Variants in TTN observed in about 807,000 individuals in gnomAD.
TTN encodes the protein connectin.
Under a neutral mutation model 3,223.0 loss-of-function variants are expected in TTN, and 1,525 were observed. That is an observed-to-expected ratio of 0.47 (90% CI 0.45 to 0.49). The LOEUF (loss-of-function observed/expected upper bound fraction) is 0.49, where lower values mean the gene tolerates loss of function less well. Among genes scored for constraint, TTN ranks in the 20% least tolerant of loss-of-function variants. The pLI is 0.00. For missense variants in TTN, 40,786 were observed against 43,424.0 expected, an observed-to-expected ratio of 0.94 and a Z score of 5.40; for synonymous variants, 14,094 against 15,161.0, an observed-to-expected ratio of 0.93 and a Z score of 5.17.
intron 127 of TTN, among the ~76,000 whole-genome samples, chr2:178,686,491 C>T (rs1353114333): frequency 6.6e-6 from 1 of 151,870 alleles, no homozygotes; most frequent in Non-Finnish European, 1.5e-5. Context: ...AATCACAGCT[C>T]ACTGTAACCT....
At chr2:178,699,261 ATATGT>A (rs2074317825) in intron 111 of TTN, among the ~76,000 whole-genome samples, 1 of 152,076 alleles carries the variant, frequency 6.6e-6, no homozygotes, top group African/African-American at 2.4e-5. Flanking sequence ...ACGAACACAA[ATATGT>A]TAGGAGGAAG....
chr2:178,733,763 C>T lies in TTN; in HGVS notation c.15626G>A (p.Arg5209Lys). 1 of 1,613,848 alleles carries T rather than the reference C, an allele frequency of 6.2e-7. No homozygotes were observed. Among genetic ancestry groups the T allele is most frequent in the Non-Finnish European group, 8.5e-7 (1 of 1,179,774 alleles). Residue 5209 changes from arginine (R) to lysine (K), a missense_variant, in exon 53 of 363, where the codon AGA becomes AAA. By Grantham distance (26) the Arg-to-Lys change is conservative. Transcript: ENST00000589042. ...VTWMKGQEVIREDGKIKMSFS... is the reference protein window; with the variant it reads ...VTWMKGQEVIKEDGKIKMSFS... ...GCTCATTTTGATTTTTCCGTCTTCT[C>T]TGATGACCTCTTGACCTTTCATCCA...
In TTN at chr2:178,587,936, T is replaced by C. The variant is rs567422320; in HGVS notation, c.63471A>G (p.Ala21157=). Residue 21157 remains alanine (A), a synonymous_variant, in exon 305 of 363, where the codon GCA becomes GCG. Coordinates refer to ENST00000589042, the MANE Select transcript of TTN (RefSeq NM_001267550.2). ...TAGGTTTGATAGCTTCCTTTAGCTC[T>C]GCAGGGCGCCCAATACCAACTTGGT... ...AQNQVGIGRP[A]ELKEAIKPKE... is the part of the protein sequence containing the mutation. The C allele has an allele frequency of 6.2e-7, 1 of 1,607,184 alleles. No homozygotes were observed. Among genetic ancestry groups the C allele is most frequent in the Admixed American group, 1.7e-5 (1 of 59,286 alleles).
In TTN at chr2:178,590,476, G is replaced by T; in HGVS notation, c.61249C>A (p.Gln20417Lys). Residue 20417 changes from glutamine to lysine, a missense_variant, in exon 304 of 363, where the codon CAA becomes AAA. Coordinates refer to ENST00000589042, the MANE Select transcript of TTN (RefSeq NM_001267550.2). ...TCATCTTTATTAATCCTGTTCCATT[G>T]TGCTGTGCCAGGTTTCTGACATTCC... ...VVECQKPGTA[Q>K]WNRINKDELI... 6.2e-7 allele frequency: 1 copy of T among 1,613,024 alleles called. No individual in the cohort carries two copies. The highest frequency in any genetic ancestry group is 8.5e-7 in the Non-Finnish European group (1 of 1,179,430).
intron 235 of TTN, 33 bp from the exon 236 acceptor site, chr2:178,632,446 T>G (rs559346244): frequency 1.9e-6 from 3 of 1,577,916 alleles, no homozygotes; most frequent in African/African-American, 2.7e-5. Context: ...ACTTATTAAT[T>G]GAAGCACTTT....
chr2:178,672,955 T>A (rs1368385268), intron 152 of TTN, among the ~76,000 whole-genome samples: 1 of 151,788 alleles, frequency 6.6e-6, no homozygotes, highest in Non-Finnish European at 1.5e-5. Flanking sequence ...TAACAGGGAT[T>A]ACCAATATGG....
chr2:178,710,867 C>T lies in TTN; in HGVS notation c.28230G>A (p.Val9410=), dbSNP rs759446336. ...GGCACTCAAAGTCAGCACTTTCTCC[C>T]ACCACAGCATCCACAGGGGCAAGAC... ...DIRLAPVDAV[V]GESADFECHV... is the part of the protein sequence containing the mutation. Residue 9410 remains valine (V), a synonymous_variant, in exon 98 of 363, where the codon GTG becomes GTA. Transcript: ENST00000589042. 2.5e-6 allele frequency: 4 copies of T among 1,613,904 alleles called. No homozygotes were observed. The East Asian group carries it at 8.9e-5, about 36-fold the overall frequency.
chr2:178,681,484 T>C (rs771600337), intron 136 of TTN, 34 bp from the exon 137 acceptor site: 17 of 1,566,672 alleles, frequency 1.1e-5, no homozygotes, highest in Non-Finnish European at 1.5e-5. Context: ...ATTTTAAAAA[T>C]TGAAACAGGT....
At position 178,615,682 on chromosome 2, in the gene TTN, G is replaced by A; in HGVS notation, c.48419C>T (p.Pro16140Leu). 6.2e-7 allele frequency: 1 copy of A among 1,612,484 alleles called. No individual in the cohort carries two copies. Among genetic ancestry groups the A allele is most frequent in the Non-Finnish European group, 8.5e-7 (1 of 1,178,946 alleles). ...ATTTACAGGTTCATCAACATATGCA[G>A]GTTCTCCAGGGCCACATTTGTTACG... The part of the protein sequence containing the change: ...CARNKCGPGE[P>L]AYVDEPVNMS... The change falls in exon 258 of 363, where the codon CCT becomes CTT. Residue 16140 changes from proline (P) to leucine (L), a missense_variant. Coordinates refer to ENST00000589042, the MANE Select transcript of TTN (RefSeq NM_001267550.2).
In TTN at chr2:178,640,602, A is replaced by G. The variant is rs1362490664; in HGVS notation, c.40662T>C (p.Val13554=). Residue 13554 remains valine (V), a synonymous_variant, in exon 221 of 363, where the codon GTT becomes GTC. Transcript: ENST00000589042. ...AVPEPPPPKP[V]EEVEVPTVTK... Reference sequence around the variant, plus strand: ...TAACAGTAGGTACTTCAACCTCTTCAACAGGTTTTGGAGGTGGTGGTTCTG... The same window carrying G: ...TAACAGTAGGTACTTCAACCTCTTCGACAGGTTTTGGAGGTGGTGGTTCTG... 3 of 1,593,784 alleles carry G rather than the reference A, an allele frequency of 1.9e-6. No homozygotes were observed. In the Admixed American group the frequency reaches 5.4e-5, roughly 29 times the overall value.
At position 178,739,779 on chromosome 2, in the gene TTN, A is replaced by G; in HGVS notation, c.13454T>C (p.Ile4485Thr). The change falls in exon 48 of 363, where the codon ATA becomes ACA. Residue 4485 changes from isoleucine (I) to threonine (T), a missense_variant. Physicochemically the swap from Ile to Thr is moderately conservative, Grantham distance 89. Transcript: ENST00000589042. ...DALCAIIYEE[I>T]DILTAEGPRI... is the part of the protein sequence containing the mutation. ...AGGACCCTCAGCTGTTAGGATGTCT[A>G]TTTCCTCATATATAATAGCACACAA... 1.2e-6 allele frequency: 2 copies of G among 1,613,784 alleles called. No homozygotes were observed. The highest frequency in any genetic ancestry group is 1.7e-6 in the Non-Finnish European group (2 of 1,179,812).
chr2:178,572,211 C>T lies in TTN; in HGVS notation c.73921G>A (p.Glu24641Lys), dbSNP rs993198870. The T allele has an allele frequency of 3.1e-6, 5 of 1,613,476 alleles. No individual in the cohort carries two copies. The highest frequency in any genetic ancestry group is 4.2e-6 in the Non-Finnish European group (5 of 1,179,624). ...NSVSLSWEKP[E>K]HDGGSRILGY... ...AGAATTCGGCTGCCTCCATCATGCT[C>T]TGGTTTCTCCCAAGAGAGTGACACA... Residue 24641 changes from glutamate to lysine, a missense_variant, in exon 326 of 363, where the codon GAG (glutamate) becomes AAG (lysine). Glu to Lys is a moderately conservative substitution (Grantham distance 56). Coordinates refer to ENST00000589042, the MANE Select transcript of TTN (RefSeq NM_001267550.2).
chr2:178,604,336 A>C, intron 281 of TTN, 31 bp from the exon 282 acceptor site: 1 of 1,423,888 alleles, frequency 7.0e-7, no homozygotes, highest in East Asian at 2.4e-5. Context: ...AATTTATTGA[A>C]GAGAATATAC....
In TTN at chr2:178,577,832, G is replaced by T; in HGVS notation, c.68594C>A (p.Pro22865His). 1 of 1,610,058 alleles carries T rather than the reference G, an allele frequency of 6.2e-7. No homozygotes were observed. Among genetic ancestry groups the T allele is most frequent in the Non-Finnish European group, 8.5e-7 (1 of 1,177,760 alleles). ...RNSVTLIWTEPKYDGGHKLTG... is the reference protein window; with the variant it reads ...RNSVTLIWTEHKYDGGHKLTG... ...TAACTTATGACCACCGTCATATTTA[G>T]GTTCAGTCCAAATGAGAGTCACTGA... The change falls in exon 323 of 363, where the codon CCT (proline) becomes CAT (histidine). Residue 22865 changes from proline to histidine, a missense_variant. Transcript: ENST00000589042.
At chr2:178,666,770 T>C in intron 163 of TTN, 54 bp downstream of exon 163, 3 of 1,439,386 alleles carry the variant, frequency 2.1e-6, no homozygotes, top group Non-Finnish European at 2.8e-6. Flanking sequence ...TTTACATGTG[T>C]TAAGTACAAC....
rs2056865542 is a variant in TTN, at chr2:178,614,173, T to C, written c.49224A>G (p.Thr16408=). 1.9e-6 allele frequency: 3 copies of C among 1,612,372 alleles called. No homozygotes were observed. The highest frequency in any genetic ancestry group is 1.3e-5 in the African/African-American group (1 of 74,808). The change falls in exon 262 of 363, where the codon ACA becomes ACG. Residue 16408 remains threonine, a synonymous_variant. Coordinates refer to ENST00000589042, the MANE Select transcript of TTN (RefSeq NM_001267550.2). ...GGATTAATTTGGTGGCCTTGAAGTT[T>C]GTATCCTTGACGGTGGATGAGAGCT... The part of the protein sequence containing the change: ...WHKLSSTVKD[T]NFKATKLIPN...
intron 220 of TTN, 47 bp from the exon 221 acceptor site, chr2:178,640,677 G>A (rs753447442): frequency 7.6e-5 from 108 of 1,420,224 alleles, no homozygotes; most frequent in Non-Finnish European, 9.2e-5. Context: ...GAATATTTAG[G>A]AAGCACCTCA....
At chr2:178,790,624 T>C (rs897935639) in intron 11 of TTN, 84 bp downstream of exon 11, 5 of 1,602,680 alleles carry the variant, frequency 3.1e-6, no homozygotes, top group Non-Finnish European at 4.3e-6. Flanking sequence ...GAAGAAGTGA[T>C]GATTAAGATC....
rs371783508 is a variant in TTN, at chr2:178,566,616, G to A, written c.79516C>T (p.Leu26506Phe). 2.1e-5 allele frequency: 34 copies of A among 1,612,348 alleles called. No individual in the cohort carries two copies. Among genetic ancestry groups the A allele is most frequent in the Non-Finnish European group, 2.4e-5 (28 of 1,179,674 alleles). The change falls in exon 326 of 363, where the codon CTT becomes TTT. Residue 26506 changes from leucine to phenylalanine, a missense_variant. Physicochemically the swap from Leu to Phe is conservative, Grantham distance 22. Transcript: ENST00000589042. ...TCATAGATGGGTTTACCCCAGGCAA[G>A]TGTGATTGAATTTTTAGTGGTGTCT... Reference protein sequence around the residue: ...IVDTTKNSITLAWGKPIYDGG... With the variant: ...IVDTTKNSITFAWGKPIYDGG...
Sources: allele counts gnomAD v4.1 joint callset (sites outside exome capture counted in the v4.1 genomes callset), GRCh38; gene constraint gnomAD v4.1.1; transcripts MANE v1.5; gene names NCBI Gene and HGNC (gene_info 2026-07-23, HGNC 2026-07-21).